GLIPR1L2: variants seen among roughly 807,000 people sequenced by gnomAD.
GLIPR1L2 encodes the protein GLIPR1-like protein 2.
In GLIPR1L2, 21 loss-of-function variants were observed where a neutral mutation model predicts 28.4. The observed-to-expected ratio is 0.74, with a 90% CI of 0.52 to 1.06. The LOEUF (loss-of-function observed/expected upper bound fraction) is 1.06, where lower values mean the gene tolerates loss of function less well. GLIPR1L2 is among the 50% of genes least tolerant of loss of function. The pLI, the probability that GLIPR1L2 is intolerant of heterozygous loss-of-function variation, is 0.00. For synonymous variants in GLIPR1L2, 145 were observed against 139.3 expected (o/e 1.04, Z -0.29); for missense variants, 476 against 416.9 (o/e 1.14, Z -1.23).
intron 3 of GLIPR1L2, among the ~76,000 whole-genome samples, chr12:75,413,964 C>A (rs2045899032): frequency 6.6e-6 from 1 of 151,796 alleles, no homozygotes; most frequent in South Asian, 2.1e-4. Context: ...TAGCATAAGA[C>A]AAATTATTTT....
rs77758689 is a variant in GLIPR1L2 at position 75,424,910 on chromosome 12, C to T, written c.670+1921C>T. On this transcript the variant is annotated intron_variant, in intron 4 of 5. Transcript: ENST00000550916. ...TCAATGCTAAAGTCATTGGACAGGT[C>T]AGGGGAATGTAGTCATCTACACAGA... 3.6e-3 allele frequency among the ~76,000 whole-genome samples: 547 copies of T among 151,524 alleles called. 4 individuals are homozygous for T. The highest frequency in any genetic ancestry group is 0.012 in the African/African-American group (515 of 41,252).
At chr12:75,429,995 G>A (rs1465512755) in intron 4 of GLIPR1L2, among the ~76,000 whole-genome samples, 2 of 140,636 alleles carry the variant, frequency 1.4e-5, no homozygotes, top group Admixed American at 7.6e-5. Flanking sequence ...GAGTGTAATG[G>A]CACCATCTTG....
chr12:75,424,856 T>A (rs1222223524), intron 4 of GLIPR1L2, among the ~76,000 whole-genome samples: 1 of 152,198 alleles, frequency 6.6e-6, no homozygotes, highest in African/African-American at 2.4e-5. Flanking sequence ...GCTCTTCCTC[T>A]CTTCCTTGTC....
chr12:75,425,583 A>G (rs759881420), intron 4 of GLIPR1L2, among the ~76,000 whole-genome samples: 5 of 152,224 alleles, frequency 3.3e-5, no homozygotes, highest in Non-Finnish European at 7.3e-5. Flanking sequence ...TTAATACAAG[A>G]CAATTTTTCA....
At chr12:75,430,009 C>G (rs2046076006) in intron 4 of GLIPR1L2, among the ~76,000 whole-genome samples, 1 of 143,324 alleles carries the variant, frequency 7.0e-6, no homozygotes, top group African/African-American at 2.6e-5. Flanking sequence ...CATCTTGGCT[C>G]ACTGCAACCT....
chr12:75,411,605 T>C (rs1594015562), intron 2 of GLIPR1L2, among the ~76,000 whole-genome samples: 1 of 151,936 alleles, frequency 6.6e-6, no homozygotes, highest in East Asian at 1.9e-4. Flanking sequence ...ACTAACCAAA[T>C]CTACTCCCTA....
intron 2 of GLIPR1L2, among the ~76,000 whole-genome samples, chr12:75,411,766 C>CT (rs2045870383): frequency 6.6e-6 from 1 of 151,736 alleles, no homozygotes; most frequent in African/African-American, 2.4e-5. Flanking sequence ...CTCTTTATTT[C>CT]TTTAAGAATC....
chr12:75,417,357 A>G (rs1594022025), intron 3 of GLIPR1L2, among the ~76,000 whole-genome samples: 1 of 152,142 alleles, frequency 6.6e-6, no homozygotes, highest in Non-Finnish European at 1.5e-5. Context: ...ACAGATTCTT[A>G]AGAGCCTTTG....
At chr12:75,425,986 T>C (rs1270657991) in intron 4 of GLIPR1L2, among the ~76,000 whole-genome samples, 1 of 152,136 alleles carries the variant, frequency 6.6e-6, no homozygotes, top group African/African-American at 2.4e-5. Context: ...AACTATGGAC[T>C]CAGTTTCAAC....
At chr12:75,393,142 T>G (rs773011959) in intron 1 of GLIPR1L2, among the ~76,000 whole-genome samples, 2 of 152,152 alleles carry the variant, frequency 1.3e-5, no homozygotes, top group Non-Finnish European at 2.9e-5. Context: ...CTGAATACTT[T>G]CCATCCTTAT....
At position 75,398,328 on chromosome 12, in the gene GLIPR1L2, CAAAAAAAAAAA is replaced by C. The variant is rs71078729; in HGVS notation, c.234+6991_234+7001del. 1.4e-4 allele frequency among the ~76,000 whole-genome samples: 12 copies of C among 87,912 alleles called. 1 individual carries two copies. The South Asian group carries it at 2.5e-3, about 19-fold the overall frequency. 57.7% of individuals were successfully genotyped at this position (87,912 alleles called of 152,430 possible). On this transcript the variant is annotated intron_variant, in intron 1 of 5. Coordinates refer to ENST00000550916, the MANE Select transcript of GLIPR1L2 (RefSeq NM_001270396.2). Reference sequence around the variant, plus strand: ...TGGGCGATAGAATGAGACTCCATCTCAAAAAAAAAAAAAAAAAAAAAAACTTTTATCATATA... The same window carrying C: ...TGGGCGATAGAATGAGACTCCATCTCAAAAAAAAAAAACTTTTATCATATA...
At position 75,431,228 on chromosome 12, in the gene GLIPR1L2, GAAAA is replaced by G. The variant is rs5799226; in HGVS notation, c.*77_*80del. ...CAAAAGTGTAATACAAAAAAAGACA[GAAAA>G]AAAAAAAAAGTAAAACACTGAGTTT... On this transcript the variant is annotated 3_prime_UTR_variant, in exon 6 of 6. Transcript: ENST00000550916. 2 of 458,336 alleles carry G rather than the reference GAAAA, an allele frequency of 4.4e-6. No homozygotes were observed. Among genetic ancestry groups the G allele is most frequent in the Non-Finnish European group, 7.6e-6 (2 of 262,688 alleles). The allele number at this position is 458,336 out of a possible 1,614,324, so 28.4% of individuals were successfully genotyped here.
At chr12:75,426,352 GT>G (rs2046034003) in intron 4 of GLIPR1L2, among the ~76,000 whole-genome samples, 1 of 152,226 alleles carries the variant, frequency 6.6e-6, no homozygotes, top group Non-Finnish European at 1.5e-5. Context: ...AGGAAATACA[GT>G]TTATCTGAAT....
In GLIPR1L2 at chr12:75,412,788, G is replaced by A. The variant is rs936624880; in HGVS notation, c.481-810G>A. Reference sequence around the variant, plus strand: ...CAACCCTTGTGGAAGTCAGTGTGGCGATTCCTCAGGGATCTAGAACTAGAA... The same window carrying A: ...CAACCCTTGTGGAAGTCAGTGTGGCAATTCCTCAGGGATCTAGAACTAGAA... On this transcript the variant is annotated intron_variant, in intron 2 of 5. Transcript: ENST00000550916. Among the ~76,000 whole-genome samples, 4 of 151,908 alleles carry A rather than the reference G, an allele frequency of 2.6e-5. 1 individual carries two copies. Among genetic ancestry groups the A allele is most frequent in the African/African-American group, 4.8e-5 (2 of 41,356 alleles).
chr12:75,420,478 A>G lies in GLIPR1L2; in HGVS notation c.585-2426A>G, dbSNP rs988518557. ...ATGTCCTTATCTAGGATCTGGACAC[A>G]TGCTCTATAGGTAGCATTGTACTGA... On this transcript the variant is annotated intron_variant, in intron 3 of 5. Transcript: ENST00000550916. 1.1e-4 allele frequency among the ~76,000 whole-genome samples: 16 copies of G among 152,324 alleles called. No homozygotes were observed. In the East Asian group the frequency reaches 3.1e-3, roughly 29 times the overall value.
At chr12:75,418,531 T>C (rs1339564491) in intron 3 of GLIPR1L2, among the ~76,000 whole-genome samples, 1 of 152,146 alleles carries the variant, frequency 6.6e-6, no homozygotes, top group Non-Finnish European at 1.5e-5. Context: ...TTTTCAAATA[T>C]CAGATGGTTG....
At chr12:75,393,743 T>G (rs1566062207) in intron 1 of GLIPR1L2, among the ~76,000 whole-genome samples, 1 of 152,130 alleles carries the variant, frequency 6.6e-6, no homozygotes. Flanking sequence ...GATTTTGCTG[T>G]TTTTGGGTAT....
intron 1 of GLIPR1L2, among the ~76,000 whole-genome samples, chr12:75,391,742 G>A (rs958827379): frequency 9.9e-5 from 15 of 152,064 alleles, no homozygotes; most frequent in Non-Finnish European, 2.1e-4. Context: ...TCTGGATTAG[G>A]GAAAAACAAG....
chr12:75,414,619 T>C (rs150149228), intron 3 of GLIPR1L2, among the ~76,000 whole-genome samples: 71 of 152,164 alleles, frequency 4.7e-4, no homozygotes, highest in African/African-American at 1.6e-3. Context: ...CAAAATAAGT[T>C]TGGAATATAG....
Sources: allele counts gnomAD v4.1 joint callset (sites outside exome capture counted in the v4.1 genomes callset), GRCh38; gene constraint gnomAD v4.1.1; transcripts MANE v1.5; gene names NCBI Gene and HGNC (gene_info 2026-07-23, HGNC 2026-07-21).